The following PBK variants were observed in gnomAD, a reference collection of about 807,000 sequenced individuals.
PBK encodes lymphokine-activated killer T-cell-originated protein kinase.
A neutral mutation model predicts 33.5 loss-of-function variants in PBK; 22 were observed. The ratio of observed to expected loss-of-function variants is 0.66; its 90% CI spans 0.47 to 0.94. The LOEUF is 0.94. Ranked by LOEUF, PBK falls within the 40% of genes least tolerant of loss-of-function variation. The pLI is 0.00. For synonymous variants in PBK, 129 were observed against 123.8 expected (o/e 1.04, Z -0.28); for missense variants, 376 against 383.4 (o/e 0.98, Z 0.16).
chr8:27,827,588 A>T (rs756308215), intron 3 of PBK, among the ~76,000 whole-genome samples: 120 of 152,328 alleles, frequency 7.9e-4, no homozygotes, highest in Non-Finnish European at 1.3e-3. Flanking sequence ...CTATATTGGC[A>T]CCATACTTGT....
At chr8:27,823,027 T>G (rs1805958674) in intron 4 of PBK, 36 bp downstream of exon 4, 1 of 1,429,268 alleles carries the variant, frequency 7.0e-7, no homozygotes, top group African/African-American at 1.4e-5. Context: ...ATAAACAAAA[T>G]AATATACCAG....
chr8:27,820,045 C>T (rs1038167071), intron 6 of PBK, among the ~76,000 whole-genome samples: 1 of 152,208 alleles, frequency 6.6e-6, no homozygotes, highest in Admixed American at 6.5e-5. Flanking sequence ...ATGTTGCAAG[C>T]AGAGGCTTTC....
chr8:27,821,011 A>G (rs903845887), intron 5 of PBK, among the ~76,000 whole-genome samples: 7 of 151,678 alleles, frequency 4.6e-5, no homozygotes, highest in Non-Finnish European at 4.4e-5. Context: ...TTTAGTAAAG[A>G]CGAGGTTTCA....
intron 1 of PBK, 147 bp from the exon 2 acceptor site, chr8:27,833,280 TCGGTGG>T: frequency 2.7e-6 from 1 of 371,788 alleles, no homozygotes; most frequent in Non-Finnish European, 4.3e-6. Flanking sequence ...TCACCTGAGG[TCGGTGG>T]ATCACCTGAG....
intron 2 of PBK, among the ~76,000 whole-genome samples, chr8:27,828,547 T>C (rs1002116807): frequency 6.6e-6 from 1 of 152,028 alleles, no homozygotes; most frequent in Non-Finnish European, 1.5e-5. Context: ...GGAGGGTCAC[T>C]TGAGCCCAGT....
intron 7 of PBK, among the ~76,000 whole-genome samples, 187 bp downstream of exon 7, chr8:27,810,771 G>T (rs2272693): frequency 0.16 from 23,912 of 152,006 alleles, 2,380 homozygotes; most frequent in East Asian, 0.37. Context: ...TTAAGATAAT[G>T]TTTTGCTTCT....
chr8:27,821,396 G>A (rs1805926068), intron 5 of PBK, among the ~76,000 whole-genome samples: 1 of 152,108 alleles, frequency 6.6e-6, no homozygotes, highest in Non-Finnish European at 1.5e-5. Context: ...CCGAGTAGCT[G>A]GGATTACAGG....
At chr8:27,817,529 A>G (rs1195403645) in intron 6 of PBK, among the ~76,000 whole-genome samples, 1 of 151,234 alleles carries the variant, frequency 6.6e-6, no homozygotes, top group African/African-American at 2.4e-5. Flanking sequence ...TTAGTTTTCA[A>G]AGTTGCATAG....
At chr8:27,826,437 T>C (rs923950699) in intron 3 of PBK, among the ~76,000 whole-genome samples, 17 of 152,104 alleles carry the variant, frequency 1.1e-4, no homozygotes, top group African/African-American at 2.9e-4. Context: ...CAGAGAAGCA[T>C]AGGAAATTTG....
At chr8:27,815,614 A>ATG in intron 6 of PBK, among the ~76,000 whole-genome samples, 1 of 151,182 alleles carries the variant, frequency 6.6e-6, no homozygotes, top group East Asian at 1.9e-4. Flanking sequence ...ATACACGTAT[A>ATG]TGTGTGTGTA....
At chr8:27,811,796 T>C (rs1563487235) in intron 6 of PBK, among the ~76,000 whole-genome samples, 1 of 152,198 alleles carries the variant, frequency 6.6e-6, no homozygotes, top group Non-Finnish European at 1.5e-5. Context: ...CTCCACTTAG[T>C]TATATCTTAC....
chr8:27,826,492 G>A (rs7838664), intron 3 of PBK, among the ~76,000 whole-genome samples: 20 of 148,214 alleles, frequency 1.3e-4, no homozygotes, highest in African/African-American at 4.8e-4. Context: ...GGCTGAATCA[G>A]GAGGAGTGTA....
chr8:27,813,556 T>A (rs1432550618), intron 6 of PBK, among the ~76,000 whole-genome samples: 1 of 152,022 alleles, frequency 6.6e-6, no homozygotes, highest in Admixed American at 6.6e-5. Flanking sequence ...ATGTTTGATA[T>A]ATGTAAACAC....
At chr8:27,821,792 T>C (rs1805933855) in intron 5 of PBK, among the ~76,000 whole-genome samples, 1 of 152,142 alleles carries the variant, frequency 6.6e-6, no homozygotes, top group Non-Finnish European at 1.5e-5. Flanking sequence ...TGTGGGACAA[T>C]GAATGACTAG....
intron 3 of PBK, 136 bp from the exon 4 acceptor site, chr8:27,823,341 G>C: frequency 1.7e-6 from 1 of 577,228 alleles, no homozygotes; most frequent in Non-Finnish European, 3.1e-6. Context: ...TTTGGACTAT[G>C]AACACCTCTG....
intron 6 of PBK, among the ~76,000 whole-genome samples, chr8:27,815,153 A>C (rs1805785726): frequency 6.6e-6 from 1 of 152,150 alleles, no homozygotes; most frequent in Admixed American, 6.5e-5. Context: ...CAAGAACTTT[A>C]CAAGGAAAAG....
At chr8:27,820,738 C>A in intron 5 of PBK, 44 bp from the exon 6 acceptor site, 1 of 1,148,664 alleles carries the variant, frequency 8.7e-7, no homozygotes, top group Non-Finnish European at 1.2e-6. Flanking sequence ...GAAACACAAA[C>A]TAATAAAAAA....
rs1321134336 is a variant in PBK, at chr8:27,810,264, AAC to A, written c.*39_*40del. 1.5e-6 allele frequency: 2 copies of A among 1,347,260 alleles called. No individual in the cohort carries two copies. Among genetic ancestry groups the A allele is most frequent in the Admixed American group, 1.8e-5 (1 of 54,606 alleles). 83.5% of individuals were successfully genotyped at this position (1,347,260 alleles called of 1,614,324 possible). On this transcript the variant is annotated 3_prime_UTR_variant, in exon 8 of 8. Transcript: ENST00000301905. Reference sequence around the variant, plus strand: ...GTAACTATGTAAATATTTTGGAATAAACAGTTATTTACGCAAGCCACACTTCA... The same window carrying A: ...GTAACTATGTAAATATTTTGGAATAAAGTTATTTACGCAAGCCACACTTCA...
chr8:27,830,563 A>G (rs28792073), intron 2 of PBK, among the ~76,000 whole-genome samples: 23,945 of 152,218 alleles, frequency 0.16, 2,392 homozygotes, highest in East Asian at 0.37. Flanking sequence ...TGTCCAATAC[A>G]TCATGCTGCC....
Sources: allele counts gnomAD v4.1 joint callset (sites outside exome capture counted in the v4.1 genomes callset), GRCh38; gene constraint gnomAD v4.1.1; transcripts MANE v1.5; gene names NCBI Gene and HGNC (gene_info 2026-07-23, HGNC 2026-07-21).